The following PJA2 variants were observed in gnomAD, a reference collection of about 807,000 sequenced individuals.
The protein encoded by PJA2 is E3 ubiquitin-protein ligase Praja-2.
Under a neutral mutation model 69.3 loss-of-function variants are expected in PJA2, and 25 were observed. That is an observed-to-expected ratio of 0.36 (90% CI 0.26 to 0.50). The LOEUF (loss-of-function observed/expected upper bound fraction) is 0.50, where lower values mean the gene tolerates loss of function less well. Ranked by LOEUF, PJA2 falls within the 20% of genes least tolerant of loss-of-function variation. The pLI, the probability that PJA2 is intolerant of heterozygous loss-of-function variation, is 0.96. For synonymous variants in PJA2, 308 were observed against 277.8 expected, an observed-to-expected ratio of 1.11 and a Z score of -1.08; for missense variants, 809 against 830.2, an observed-to-expected ratio of 0.97 and a Z score of 0.31.
intron 9 of PJA2, among the ~76,000 whole-genome samples, chr5:109,340,655 C>T (rs1281906029): frequency 0.13 from 563 of 4,312 alleles, 203 homozygotes; most frequent in African/African-American, 0.25. Flanking sequence ...TCCCCCTCCC[C>T]CTCCCCCTCC....
At chr5:109,366,863 G>A (rs376324151) in intron 5 of PJA2, among the ~76,000 whole-genome samples, 1 of 152,126 alleles carries the variant, frequency 6.6e-6, no homozygotes, top group African/African-American at 2.4e-5. Flanking sequence ...CAGGCGTGCT[G>A]GCTCATGCCT....
intron 1 of PJA2, among the ~76,000 whole-genome samples, chr5:109,400,040 A>T (rs1248801983): frequency 6.6e-6 from 1 of 152,214 alleles, no homozygotes; most frequent in Non-Finnish European, 1.5e-5. Context: ...CTGTAATCCC[A>T]GCAATTTGGG....
chr5:109,406,808 G>A, intron 1 of PJA2, among the ~76,000 whole-genome samples: 1 of 152,186 alleles, frequency 6.6e-6, no homozygotes, highest in East Asian at 1.9e-4. Flanking sequence ...TAAATAGGTG[G>A]AATGGTCAAC....
chr5:109,364,298 G>T (rs939090216), intron 5 of PJA2, among the ~76,000 whole-genome samples: 3 of 152,076 alleles, frequency 2.0e-5, no homozygotes, highest in Non-Finnish European at 2.9e-5. Context: ...TAAACAATGA[G>T]TACGAGAATA....
chr5:109,341,455 T>A (rs1215979370), intron 9 of PJA2, among the ~76,000 whole-genome samples: 1 of 134,962 alleles, frequency 7.4e-6, no homozygotes, highest in East Asian at 2.3e-4. Context: ...AGCTGCCCCG[T>A]CTGAGAAGTG....
At chr5:109,367,143 A>AAATAT (rs1252162401) in intron 5 of PJA2, among the ~76,000 whole-genome samples, 51 of 143,202 alleles carry the variant, frequency 3.6e-4, no homozygotes, top group African/African-American at 1.3e-3. Context: ...CAAAAAAAAA[A>AAATAT]ATATATATAT....
rs866321586 is a variant in PJA2 at position 109,397,361 on chromosome 5, G to A, written c.-88+12481C>T. Among the ~76,000 whole-genome samples, 3 of 152,110 alleles carry A rather than the reference G, an allele frequency of 2.0e-5. No individual in the cohort carries two copies. In the South Asian group the frequency reaches 6.2e-4, roughly 32 times the overall value. On this transcript the variant is annotated intron_variant, in intron 1 of 9. Transcript: ENST00000361189. ...AAACAGCTATAAAAAGTTAATTTTA[G>A]AAATGCACCACTTGTAGGAGTTCCA...
intron 7 of PJA2, among the ~76,000 whole-genome samples, chr5:109,354,189 A>G (rs1762351230): frequency 7.0e-6 from 1 of 142,790 alleles, no homozygotes; most frequent in Non-Finnish European, 1.6e-5. Flanking sequence ...TTAGATATCT[A>G]TGATATCTAG....
chr5:109,356,713 G>A (rs932846078), intron 6 of PJA2, among the ~76,000 whole-genome samples: 6 of 151,482 alleles, frequency 4.0e-5, no homozygotes, highest in African/African-American at 9.7e-5. Flanking sequence ...ATTTTGTAAT[G>A]CTTAATAACT....
chr5:109,366,108 T>A (rs1762581963), intron 5 of PJA2, among the ~76,000 whole-genome samples: 1 of 152,188 alleles, frequency 6.6e-6, no homozygotes, highest in Non-Finnish European at 1.5e-5. Context: ...CAATTGACAT[T>A]TGGTGTACTA....
At chr5:109,404,073 AAACAACAAC>A (rs139131450) in intron 1 of PJA2, among the ~76,000 whole-genome samples, 7 of 150,394 alleles carry the variant, frequency 4.7e-5, no homozygotes, top group South Asian at 2.1e-4. Context: ...TCCATCTCAA[AAACAACAAC>A]AACAACAACA....
intron 7 of PJA2, among the ~76,000 whole-genome samples, chr5:109,354,017 T>TAGATATCTAGAGATATCTATAGATTAGAA (rs1762340995): frequency 6.9e-6 from 1 of 144,236 alleles, no homozygotes; most frequent in East Asian, 2.1e-4. Flanking sequence ...ATAGATTAGA[T>TAGATATCTAGAGATATCTATAGATTAGAA]ATCTATGATA....
At chr5:109,393,967 G>A (rs1397617657) in intron 1 of PJA2, among the ~76,000 whole-genome samples, 4 of 151,000 alleles carry the variant, frequency 2.6e-5, no homozygotes, top group Non-Finnish European at 4.4e-5. Flanking sequence ...TGGAGAGGAG[G>A]ATGACAAAAT....
intron 2 of PJA2, among the ~76,000 whole-genome samples, chr5:109,382,825 GT>G (rs1384073935): frequency 8.7e-5 from 13 of 150,110 alleles, no homozygotes; most frequent in African/African-American, 3.2e-4. Context: ...TCCAGCTTGG[GT>G]GACAGTTCGA....
Position 109,378,600 on chromosome 5 carries a change from T to C in PJA2, c.887A>G (p.Glu296Gly). The C allele has an allele frequency of 6.2e-7, 1 of 1,614,196 alleles. No homozygotes were observed. The highest frequency in any genetic ancestry group is 2.2e-5 in the East Asian group (1 of 44,884). The part of the protein sequence containing the change: ...AACGPGHICS[E>G]QNTNDREKNH... ...CTTTTCCCTATCATTGGTATTTTGT[T>C]CACTACAAATATGCCCTGGACCACA... The change falls in exon 4 of 10, where the codon GAA becomes GGA. Residue 296 changes from glutamate to glycine, a missense_variant. Glu to Gly is a moderately conservative substitution (Grantham distance 98). Coordinates refer to ENST00000361189, the MANE Select transcript of PJA2 (RefSeq NM_014819.5).
chr5:109,367,858 G>T (rs1762610968), intron 5 of PJA2, among the ~76,000 whole-genome samples: 1 of 152,182 alleles, frequency 6.6e-6, no homozygotes, highest in Non-Finnish European at 1.5e-5. Flanking sequence ...CACTTCCATT[G>T]ATGCTGAAAA....
chr5:109,378,904 C>G lies in PJA2; in HGVS notation c.583G>C (p.Glu195Gln), dbSNP rs749432293. ...TCAAATACTGTATTGCCTAATGATT[C>G]CTGGTATCTACTACCTTCCACGACT... ...AEVVEGSRYQ[E>Q]SLGNTVFELE... The change falls in exon 4 of 10, where the codon GAA becomes CAA. Residue 195 changes from glutamate (E) to glutamine (Q), a missense_variant. Physicochemically the swap from Glu to Gln is conservative, Grantham distance 29. Coordinates refer to ENST00000361189, the MANE Select transcript of PJA2 (RefSeq NM_014819.5). 5 of 1,614,128 alleles carry G rather than the reference C, an allele frequency of 3.1e-6. No homozygotes were observed. The highest frequency in any genetic ancestry group is 2.2e-5 in the South Asian group (2 of 91,076).
intron 5 of PJA2, among the ~76,000 whole-genome samples, chr5:109,366,270 A>G (rs371270604): frequency 1.1e-3 from 172 of 152,338 alleles, no homozygotes; most frequent in African/African-American, 4.0e-3. Context: ...GAGAAAATAA[A>G]TATGTAATCA....
chr5:109,392,246 A>G (rs1401508751), intron 1 of PJA2, among the ~76,000 whole-genome samples: 1 of 152,126 alleles, frequency 6.6e-6, no homozygotes. Flanking sequence ...AGACAAATGT[A>G]TCAATGGAAT....
Sources: gnomAD v4.1 joint callset for allele counts (sites outside exome capture counted in the v4.1 genomes callset) on GRCh38, gnomAD v4.1.1 for gene constraint, MANE v1.5 for transcripts, NCBI Gene and HGNC (gene_info 2026-07-23, HGNC 2026-07-21) for gene names.